Variants in THADA observed in about 807,000 individuals in gnomAD.
THADA encodes the protein tRNA (32-2'-O)-methyltransferase regulator THADA.
In THADA, 213 loss-of-function variants were observed where a neutral mutation model predicts 219.8. The ratio of observed to expected loss-of-function variants is 0.97; its 90% CI spans 0.87 to 1.09. The LOEUF (loss-of-function observed/expected upper bound fraction) is 1.09, where lower values mean the gene tolerates loss of function less well. Among genes scored for constraint, THADA ranks in the 50% least tolerant of loss-of-function variants. The pLI is 0.00. For synonymous variants in THADA, 1,018 were observed against 828.9 expected (o/e 1.23, Z -3.92); for missense variants, 2,956 against 2,311.3 (o/e 1.28, Z -5.72).
intron 26 of THADA, among the ~76,000 whole-genome samples, chr2:43,460,915 C>A (rs1683565406): frequency 6.6e-6 from 1 of 152,116 alleles, no homozygotes; most frequent in South Asian, 2.1e-4. Flanking sequence ...CTTGGCATTG[C>A]AGAACAGTTA....
chr2:43,271,966 AT>A (rs1472617217), intron 36 of THADA, among the ~76,000 whole-genome samples: 1 of 152,224 alleles, frequency 6.6e-6, no homozygotes, highest in Non-Finnish European at 1.5e-5. Flanking sequence ...AATAAATAAA[AT>A]TATGCAGATA....
chr2:43,335,102 G>T (rs922110132), intron 30 of THADA, among the ~76,000 whole-genome samples: 3 of 152,164 alleles, frequency 2.0e-5, no homozygotes, highest in South Asian at 4.2e-4. Flanking sequence ...TGTCCCCTGG[G>T]AGCTGGTCAA....
chr2:43,560,914 G>C (rs887275230), intron 15 of THADA, among the ~76,000 whole-genome samples: 2 of 151,958 alleles, frequency 1.3e-5, no homozygotes, highest in African/African-American at 4.8e-5. Context: ...CTACTTGGGA[G>C]GCTGAGGCAG....
At chr2:43,349,289 T>A (rs1327832507) in intron 29 of THADA, among the ~76,000 whole-genome samples, 1 of 152,120 alleles carries the variant, frequency 6.6e-6, no homozygotes, top group Non-Finnish European at 1.5e-5. Flanking sequence ...CTGGAAGCAG[T>A]TACCCTCTGT....
rs548365391 is a variant in THADA at position 43,386,897 on chromosome 2, C to CAA, written c.4227+11072_4227+11073dup. ...TGGGCTACAGAGTGAGATTTCCTCT[C>CAA]AAAAAAAAAAAAAAAAAGCATAATT... On this transcript the variant is annotated intron_variant, in intron 29 of 37. Coordinates refer to ENST00000405975, the MANE Select transcript of THADA (RefSeq NM_022065.5). 5.4e-4 allele frequency among the ~76,000 whole-genome samples: 53 copies of CAA among 97,282 alleles called. No individual in the cohort carries two copies. The East Asian group carries it at 8.7e-3, about 16-fold the overall frequency. 63.8% of individuals were successfully genotyped at this position (97,282 alleles called of 152,430 possible). A position where few individuals can be genotyped will look rare whatever the true frequency, so the allele number is the denominator to read the frequency against.
intron 36 of THADA, among the ~76,000 whole-genome samples, chr2:43,257,500 T>C (rs1670464342): frequency 1.3e-5 from 2 of 152,230 alleles, no homozygotes; most frequent in Non-Finnish European, 1.5e-5. Context: ...TCCTTCTCTC[T>C]TGAATAGGTC....
intron 29 of THADA, among the ~76,000 whole-genome samples, chr2:43,346,342 C>T (rs1444686829): frequency 6.6e-6 from 1 of 152,152 alleles, no homozygotes; most frequent in Admixed American, 6.5e-5. Flanking sequence ...CATCCTTTGG[C>T]ATGAGGTCCA....
intron 18 of THADA, 111 bp downstream of exon 18, chr2:43,552,093 T>A (rs1345205582): frequency 1.3e-6 from 2 of 1,518,462 alleles, no homozygotes; most frequent in East Asian, 4.8e-5. Context: ...GATTTTCAAT[T>A]TTATTCAAAG....
chr2:43,567,371 T>A (rs1305639935), intron 14 of THADA, among the ~76,000 whole-genome samples: 1 of 152,180 alleles, frequency 6.6e-6, no homozygotes, highest in Non-Finnish European at 1.5e-5. Flanking sequence ...GGCTCATGCC[T>A]GTAATCCCAG....
intron 35 of THADA, among the ~76,000 whole-genome samples, chr2:43,284,043 G>T (rs1673690339): frequency 6.6e-6 from 1 of 152,188 alleles, no homozygotes; most frequent in South Asian, 2.1e-4. Context: ...GCCAGGCATG[G>T]TGGTGGGCAC....
intron 28 of THADA, among the ~76,000 whole-genome samples, chr2:43,424,310 T>C (rs1196510300): frequency 6.6e-6 from 1 of 152,208 alleles, no homozygotes; most frequent in Non-Finnish European, 1.5e-5. Context: ...ATTGTGCAAT[T>C]CACTTTTAGC....
At chr2:43,449,922 C>A (rs988209621) in intron 26 of THADA, among the ~76,000 whole-genome samples, 1 of 152,158 alleles carries the variant, frequency 6.6e-6, no homozygotes, top group South Asian at 2.1e-4. Flanking sequence ...GAATCCAATA[C>A]CTGGCAAACG....
intron 8 of THADA, among the ~76,000 whole-genome samples, chr2:43,580,871 C>T (rs1700364041): frequency 6.6e-6 from 1 of 151,318 alleles, no homozygotes; most frequent in Admixed American, 6.6e-5. Context: ...CAAAGAGAGA[C>T]TCCATCTCAG....
At chr2:43,342,655 C>T (rs1319575161) in intron 30 of THADA, among the ~76,000 whole-genome samples, 1 of 152,216 alleles carries the variant, frequency 6.6e-6, no homozygotes, top group African/African-American at 2.4e-5. Context: ...CACCCCTCTT[C>T]TGGCGTAATG....
intron 36 of THADA, among the ~76,000 whole-genome samples, chr2:43,255,776 C>T (rs1670244794): frequency 6.6e-6 from 1 of 152,228 alleles, no homozygotes. Context: ...TCTGTCTGTA[C>T]TAAACGGCTG....
intron 26 of THADA, among the ~76,000 whole-genome samples, chr2:43,432,743 C>T (rs1213435319): frequency 6.6e-6 from 1 of 152,140 alleles, no homozygotes; most frequent in Non-Finnish European, 1.5e-5. Flanking sequence ...CAGTGTATCT[C>T]CCATGATTTT....
intron 29 of THADA, among the ~76,000 whole-genome samples, chr2:43,395,055 G>A (rs1031743110): frequency 1.3e-5 from 2 of 152,336 alleles, no homozygotes; most frequent in South Asian, 4.1e-4. Context: ...TGGGCAGACT[G>A]GTGAAACCCA....
chr2:43,368,369 G>C (rs955049910), intron 29 of THADA, among the ~76,000 whole-genome samples: 1 of 151,908 alleles, frequency 6.6e-6, no homozygotes, highest in African/African-American at 2.4e-5. Context: ...TCTCAACATC[G>C]TTAGCCCCTT....
chr2:43,334,847 C>A (rs1369024779), intron 30 of THADA, among the ~76,000 whole-genome samples: 2 of 152,116 alleles, frequency 1.3e-5, no homozygotes, highest in East Asian at 1.9e-4. Context: ...GCGGCCCAGA[C>A]AACGGAGTAT....
Sources: allele counts gnomAD v4.1 joint callset (sites outside exome capture counted in the v4.1 genomes callset), GRCh38; gene constraint gnomAD v4.1.1; transcripts MANE v1.5; gene names NCBI Gene and HGNC (gene_info 2026-07-23, HGNC 2026-07-21).